ATM: variants seen among roughly 807,000 people sequenced by gnomAD.
ATM encodes ATM serine/threonine kinase.
A neutral mutation model predicts 387.0 loss-of-function variants in ATM; 308 were observed. The ratio of observed to expected loss-of-function variants is 0.80; its 90% CI spans 0.73 to 0.87. The LOEUF (loss-of-function observed/expected upper bound fraction) is 0.87. ATM is among the 40% of genes least tolerant of loss of function. The pLI is 0.00. For missense variants in ATM, 3,312 were observed against 3,560.9 expected, an observed-to-expected ratio of 0.93 and a Z score of 1.78; for synonymous variants, 1,156 against 1,187.3, an observed-to-expected ratio of 0.97 and a Z score of 0.54.
intron 38 of ATM, 198 bp downstream of exon 38, chr11:108,308,182 C>T: frequency 1.7e-6 from 1 of 599,088 alleles, no homozygotes; most frequent in South Asian, 1.9e-5. Flanking sequence ...ACTCTCAATT[C>T]TAGTACCAGC....
chr11:108,280,580 G>A (rs1218907908), intron 23 of ATM, among the ~76,000 whole-genome samples: 1 of 151,914 alleles, frequency 6.6e-6, no homozygotes, highest in Non-Finnish European at 1.5e-5. Context: ...TGGAGAATGG[G>A]GTATCCATCC....
intron 8 of ATM, 48 bp from the exon 9 acceptor site, chr11:108,248,885 G>C: frequency 7.0e-7 from 1 of 1,423,646 alleles, no homozygotes; most frequent in Non-Finnish European, 9.5e-7. Flanking sequence ...CGAAACTCTG[G>C]CTCAAAAAAA....
At chr11:108,313,548 G>A (rs2136081368) in intron 40 of ATM, among the ~76,000 whole-genome samples, 1 of 152,144 alleles carries the variant, frequency 6.6e-6, no homozygotes, top group South Asian at 2.1e-4. Flanking sequence ...CATCAACCAT[G>A]CCTTGCTTGA....
At chr11:108,303,490 C>A (rs376331422) in intron 36 of ATM, among the ~76,000 whole-genome samples, 4 of 152,182 alleles carry the variant, frequency 2.6e-5, no homozygotes, top group African/African-American at 9.6e-5. Context: ...TTGTACTCTT[C>A]CATCAAATGT....
At chr11:108,246,220 A>T (rs1402748805) in intron 7 of ATM, among the ~76,000 whole-genome samples, 1 of 152,196 alleles carries the variant, frequency 6.6e-6, no homozygotes, top group Non-Finnish European at 1.5e-5. Flanking sequence ...AACTACTATA[A>T]GTGAAAGAAT....
chr11:108,254,986 G>A (rs573890097), intron 13 of ATM, among the ~76,000 whole-genome samples: 1 of 152,236 alleles, frequency 6.6e-6, no homozygotes, highest in East Asian at 1.9e-4. Flanking sequence ...AGTACTTAAT[G>A]TTTCACATTT....
chr11:108,335,338 C>T, intron 55 of ATM: 1 of 1,373,444 alleles, frequency 7.3e-7, no homozygotes, highest in Middle Eastern at 1.9e-4. Context: ...TAAAAGAATA[C>T]CATTAACATG....
chr11:108,227,967 T>G, intron 3 of ATM, 79 bp downstream of exon 3: 9 of 1,250,032 alleles, frequency 7.2e-6, no homozygotes, highest in Non-Finnish European at 1.0e-5. Flanking sequence ...CTTTTGTGTG[T>G]AAGTCTTAAC....
In ATM at chr11:108,332,832, T is replaced by G; in HGVS notation, c.7859T>G (p.Val2620Gly). The G allele has an allele frequency of 6.2e-7, 1 of 1,613,296 alleles. No homozygotes were observed. Among genetic ancestry groups the G allele is most frequent in the Non-Finnish European group, 8.5e-7 (1 of 1,179,548 alleles). ...RSRRPQMVRS[V>G]EALCDAYIIL... ...AGGAGACCTCAGATGGTCAGAAGTG[T>G]TGAGGCACTTTGTGATGCTTATATT... The change falls in exon 53 of 63, where the codon GTT (valine) becomes GGT (glycine). Residue 2620 changes from valine to glycine, a missense_variant. Physicochemically the swap from Val to Gly is moderately radical, Grantham distance 109. Transcript: ENST00000675843.
intron 43 of ATM, among the ~76,000 whole-genome samples, chr11:108,319,277 C>G (rs1220041973): frequency 6.6e-6 from 1 of 152,126 alleles, no homozygotes; most frequent in African/African-American, 2.4e-5. Flanking sequence ...TTTTCCTGTG[C>G]GAGTTGATTC....
Position 108,259,057 on chromosome 11 carries a change from A to C in ATM, c.2448A>C (p.Ala816=). The change falls in exon 16 of 63, where the codon GCA becomes GCC. Residue 816 remains alanine (A), a synonymous_variant. Transcript: ENST00000675843. ...CATCAAAGCTAATGAATGACATTGC[A>C]GATATTTGTAAAAGTTTAGTAAGTA... ...LLTSKLMNDI[A]DICKSLASFI... 1 of 1,613,360 alleles carries C rather than the reference A, an allele frequency of 6.2e-7. No homozygotes were observed. Among genetic ancestry groups the C allele is most frequent in the East Asian group, 2.2e-5 (1 of 44,820 alleles).
chr11:108,311,433 C>T (rs963379288), intron 39 of ATM, among the ~76,000 whole-genome samples: 2 of 152,242 alleles, frequency 1.3e-5, no homozygotes, highest in Non-Finnish European at 2.9e-5. Flanking sequence ...CAGTGGCTCA[C>T]GCATGTAATC....
At chr11:108,296,737 A>C (rs1024918011) in intron 32 of ATM, among the ~76,000 whole-genome samples, 3 of 152,236 alleles carry the variant, frequency 2.0e-5, no homozygotes, top group Non-Finnish European at 4.4e-5. Flanking sequence ...TGCCTTGTGC[A>C]TTACAGCCAC....
rs777812804 is a variant in ATM, at chr11:108,294,934, A to G, written c.4784A>G (p.Asn1595Ser). ...RGPFSLLEEI[N>S]HFLSVSVYDA... ...TTACATTTTCTCTTTTAGGAAATTA[A>G]CCATTTTCTCTCAGTAAGTGTTTAT... The change falls in exon 32 of 63, where the codon AAC (asparagine) becomes AGC (serine). Residue 1595 changes from asparagine to serine, a missense_variant. Physicochemically the swap from Asn to Ser is conservative, Grantham distance 46. This residue lies in a region of ATM where 1,405 missense variants were observed against 1,604.4 expected (regional missense o/e 0.88). Transcript: ENST00000675843. 3.7e-6 allele frequency: 6 copies of G among 1,613,742 alleles called. No homozygotes were observed. The highest frequency in any genetic ancestry group is 5.1e-6 in the Non-Finnish European group (6 of 1,179,782).
At chr11:108,282,553 A>G (rs190528933) in intron 24 of ATM, among the ~76,000 whole-genome samples, 157 bp from the exon 25 acceptor site, 1 of 152,230 alleles carries the variant, frequency 6.6e-6, no homozygotes, top group African/African-American at 2.4e-5. Context: ...CCAGTTGAGT[A>G]CATTTTCTTA....
chr11:108,229,378 GTTTT>G (rs11390378), intron 4 of ATM, 55 bp downstream of exon 4: 11 of 1,270,398 alleles, frequency 8.7e-6, no homozygotes, highest in South Asian at 2.9e-5. Flanking sequence ...TGTCGCGTGA[GTTTT>G]TTTTTTTTTT....
rs1591167954 is a variant in ATM at position 108,331,533 on chromosome 11, A to G, written c.7605A>G (p.Leu2535=). The part of the protein sequence containing the change: ...ARMGTKMMGG[L]GFHEVLNNLI... ...TGGGGACCAAGATGATGGGAGGCCTAGGATTTCATGAAGTCCTCAATAATG... is the reference window on the plus strand; with the variant it reads ...TGGGGACCAAGATGATGGGAGGCCTGGGATTTCATGAAGTCCTCAATAATG... Residue 2535 remains leucine, a synonymous_variant, in exon 51 of 63, where the codon CTA becomes CTG. Transcript: ENST00000675843. The G allele has an allele frequency of 3.7e-6, 6 of 1,613,096 alleles. No homozygotes were observed. Among genetic ancestry groups the G allele is most frequent in the Non-Finnish European group, 5.1e-6 (6 of 1,179,596 alleles).
chr11:108,315,782 T>A (rs748873327), intron 40 of ATM, 41 bp from the exon 41 acceptor site: 1 of 1,533,304 alleles, frequency 6.5e-7, no homozygotes, highest in Non-Finnish European at 9.0e-7. Context: ...ATAGACCGAT[T>A]TTTTTTCCTT....
intron 7 of ATM, 78 bp from the exon 8 acceptor site, chr11:108,246,886 G>C: frequency 8.2e-7 from 1 of 1,212,580 alleles, no homozygotes; most frequent in South Asian, 1.3e-5. Context: ...CAGCTTGACA[G>C]CTGAATAATT....
Sources: allele counts gnomAD v4.1 joint callset (sites outside exome capture counted in the v4.1 genomes callset), GRCh38; gene constraint gnomAD v4.1.1; regional missense constraint gnomAD v4.1.1; transcripts MANE v1.5; gene names NCBI Gene and HGNC (gene_info 2026-07-23, HGNC 2026-07-21).